Variants in ZNF609 observed in about 807,000 individuals in gnomAD.
ZNF609 encodes the protein zinc finger protein 609.
ZNF609 carries 11 observed loss-of-function variants against 109.5 expected under a neutral mutation model. The ratio of observed to expected loss-of-function variants is 0.10; its 90% CI spans 0.06 to 0.17. The LOEUF is 0.17. Among genes scored for constraint, ZNF609 ranks in the 10% least tolerant of loss-of-function variants. The pLI, the probability that ZNF609 is intolerant of heterozygous loss-of-function variation, is 1.00. For synonymous variants in ZNF609, 646 were observed against 662.0 expected, an observed-to-expected ratio of 0.98 and a Z score of 0.37; for missense variants, 1,559 against 1,772.4, an observed-to-expected ratio of 0.88 and a Z score of 2.16.
chr15:64,675,176 A>G lies in ZNF609; in HGVS notation c.2322A>G (p.Leu774=). ...ATGGGATGAAAATGGAGGGGCTCCT[A>G]AATGGCTCATCAGACCCCCACCAAA... ...SGDGMKMEGL[L]NGSSDPHQSR... The change falls in exon 5 of 10, where the codon CTA becomes CTG. Residue 774 remains leucine, a synonymous_variant. Transcript: ENST00000326648. 1 of 1,614,124 alleles carries G rather than the reference A, an allele frequency of 6.2e-7. No homozygotes were observed. The highest frequency in any genetic ancestry group is 8.5e-7 in the Non-Finnish European group (1 of 1,180,010).
chr15:64,572,621 G>A (rs1042810887), intron 2 of ZNF609, among the ~76,000 whole-genome samples: 12 of 152,066 alleles, frequency 7.9e-5, no homozygotes, highest in Non-Finnish European at 1.5e-4. Context: ...TGCCAGGCAC[G>A]GTGGCTCACA....
At position 64,520,706 on chromosome 15, in the gene ZNF609, T is replaced by C. The variant is rs144647000; in HGVS notation, c.747+20540T>C. Among the ~76,000 whole-genome samples, 879 of 152,238 alleles carry C rather than the reference T, an allele frequency of 5.8e-3. 13 individuals are homozygous for C. Among genetic ancestry groups the C allele is most frequent in the African/African-American group, 0.02 (844 of 41,528 alleles). ...AATTAAGGGAGAAAAGGGTTCACAA[T>C]AGAATGGGAAGACAACAAAAAGTAA... On this transcript the variant is annotated intron_variant, in intron 2 of 9. Coordinates refer to ENST00000326648, the MANE Select transcript of ZNF609 (RefSeq NM_015042.2).
Position 64,521,022 on chromosome 15 carries a change from G to A in ZNF609, c.747+20856G>A, listed in dbSNP as rs116419179. Among the ~76,000 whole-genome samples the A allele has an allele frequency of 7.9e-3, 1,207 of 152,060 alleles. 19 individuals are homozygous for A. The highest frequency in any genetic ancestry group is 0.028 in the African/African-American group (1,152 of 41,452). On this transcript the variant is annotated intron_variant, in intron 2 of 9. Coordinates refer to ENST00000326648, the MANE Select transcript of ZNF609 (RefSeq NM_015042.2). ...TTTACTTTTAATTTAAAATCTTTCC[G>A]TTCTTCTTTACTTTGTACAGGTGGG... is the stretch of plus-strand genomic sequence containing the variant.
chr15:64,575,242 T>C (rs1418498672), intron 2 of ZNF609, among the ~76,000 whole-genome samples: 1 of 152,092 alleles, frequency 6.6e-6, no homozygotes, highest in Non-Finnish European at 1.5e-5. Context: ...CTAACCAACA[T>C]GGAGAAACCC....
At chr15:64,501,204 A>G (rs754636387) in intron 2 of ZNF609, 1 of 152,190 alleles carries the variant, frequency 6.6e-6, no homozygotes, top group African/African-American at 2.4e-5. Context: ...CTGTAATTAG[A>G]TCAGCTGCAG....
chr15:64,568,138 T>C (rs1370767187), intron 2 of ZNF609, among the ~76,000 whole-genome samples: 2 of 152,226 alleles, frequency 1.3e-5, no homozygotes, highest in Admixed American at 6.5e-5. Context: ...TTAAACATTA[T>C]GACATTTCTC....
At chr15:64,493,239 T>A (rs1305752835) in intron 1 of ZNF609, among the ~76,000 whole-genome samples, 1 of 152,034 alleles carries the variant, frequency 6.6e-6, no homozygotes, top group African/African-American at 2.4e-5. Flanking sequence ...ATGAGTGGGG[T>A]CCAGTTGCTG....
intron 2 of ZNF609, among the ~76,000 whole-genome samples, chr15:64,543,255 C>CTTTTTTTTTTTTTT (rs77646116): frequency 9.7e-5 from 11 of 113,284 alleles, no homozygotes; most frequent in South Asian, 3.0e-4. Context: ...TTTGTTGTTG[C>CTTTTTTTTTTTTTT]TTTTTTTTTT....
At chr15:64,569,547 A>C (rs1359779452) in intron 2 of ZNF609, among the ~76,000 whole-genome samples, 3 of 152,374 alleles carry the variant, frequency 2.0e-5, no homozygotes, top group East Asian at 1.9e-4. Flanking sequence ...TGTTGTGCTT[A>C]GAAAATCCAA....
At chr15:64,608,491 G>A (rs1895649557) in intron 2 of ZNF609, among the ~76,000 whole-genome samples, 1 of 152,014 alleles carries the variant, frequency 6.6e-6, no homozygotes, top group Admixed American at 6.6e-5. Flanking sequence ...CTGGGTGTGT[G>A]TAGTTCCATA....
At chr15:64,631,890 C>T in intron 3 of ZNF609, 1 of 157,546 alleles carries the variant, frequency 6.3e-6, no homozygotes, top group Non-Finnish European at 1.4e-5. Flanking sequence ...TATTGGGTGC[C>T]TCTCTTCTTA....
intron 2 of ZNF609, among the ~76,000 whole-genome samples, chr15:64,606,146 C>T (rs951110361): frequency 2.0e-5 from 3 of 151,456 alleles, no homozygotes; most frequent in Non-Finnish European, 4.4e-5. Flanking sequence ...TAGAGTCTCA[C>T]TCTGTCACCC....
chr15:64,658,568 A>C (rs1455243601), intron 3 of ZNF609, among the ~76,000 whole-genome samples: 4 of 149,724 alleles, frequency 2.7e-5, no homozygotes, highest in Non-Finnish European at 4.4e-5. Flanking sequence ...AAAGATATAC[A>C]CACACACACA....
rs373284998 is a variant in ZNF609, at chr15:64,540,081, T to C, written c.747+39915T>C. On this transcript the variant is annotated intron_variant, in intron 2 of 9. Coordinates refer to ENST00000326648, the MANE Select transcript of ZNF609 (RefSeq NM_015042.2). ...AACCAGCTTACCTGGCCAAGAGTTT[T>C]ATTACTAGCTGGATTATGATGTTAG... 3.3e-4 allele frequency among the ~76,000 whole-genome samples: 50 copies of C among 152,328 alleles called. No homozygotes were observed. The East Asian group carries it at 8.1e-3, about 25-fold the overall frequency.
In ZNF609 at chr15:64,668,899, C is replaced by T. The variant is rs577363258; in HGVS notation, c.974-1447C>T. Among the ~76,000 whole-genome samples, 17 of 126,838 alleles carry T rather than the reference C, an allele frequency of 1.3e-4. No individual in the cohort carries two copies. The South Asian group carries it at 2.5e-3, about 19-fold the overall frequency. 83.2% of individuals were successfully genotyped at this position (126,838 alleles called of 152,430 possible). On this transcript the variant is annotated intron_variant, in intron 3 of 9. Coordinates refer to ENST00000326648, the MANE Select transcript of ZNF609 (RefSeq NM_015042.2). ...CCCAGGAGGCGGAGGTTGCAGTGAG[C>T]GGAGATCACACCATTGCACTCCAGC...
At chr15:64,640,111 C>T (rs934255206) in intron 3 of ZNF609, among the ~76,000 whole-genome samples, 2 of 152,052 alleles carry the variant, frequency 1.3e-5, no homozygotes, top group African/African-American at 4.8e-5. Context: ...TTAGTAGAGA[C>T]AGTGTTTCAC....
chr15:64,578,172 T>G (rs1895033842), intron 2 of ZNF609, among the ~76,000 whole-genome samples: 2 of 151,978 alleles, frequency 1.3e-5, no homozygotes, highest in Non-Finnish European at 2.9e-5. Context: ...TTTGAGACAG[T>G]CTTGCACTGT....
At chr15:64,600,436 C>T (rs1438668162) in intron 2 of ZNF609, among the ~76,000 whole-genome samples, 1 of 117,938 alleles carries the variant, frequency 8.5e-6, no homozygotes, top group Non-Finnish European at 1.7e-5. Flanking sequence ...GGCGACAGTG[C>T]GAGGCTGTGT....
At chr15:64,588,326 G>A (rs1052743269) in intron 2 of ZNF609, among the ~76,000 whole-genome samples, 14 of 148,260 alleles carry the variant, frequency 9.4e-5, no homozygotes, top group African/African-American at 3.2e-4. Context: ...CTACTTGGAG[G>A]CTGAGGCAGG....
Sources: gnomAD v4.1 joint callset for allele counts (sites outside exome capture counted in the v4.1 genomes callset) on GRCh38, gnomAD v4.1.1 for gene constraint, MANE v1.5 for transcripts, NCBI Gene and HGNC (gene_info 2026-07-23, HGNC 2026-07-21) for gene names.